Variants in CD38 observed in about 807,000 individuals in gnomAD.
CD38 encodes the protein CD38 molecule, also known as ADP-ribosyl cyclase/cyclic ADP-ribose hydrolase 1.
In CD38, 31 loss-of-function variants were observed where a neutral mutation model predicts 36.3. The ratio of observed to expected loss-of-function variants is 0.85; its 90% CI spans 0.64 to 1.15. The LOEUF (loss-of-function observed/expected upper bound fraction) is 1.15, where lower values mean the gene tolerates loss of function less well. CD38 is among the 50% of genes most tolerant of loss of function. The probability of loss-of-function intolerance (pLI) is 0.00; values close to 1 mark genes in which losing one functional copy is unlikely to be tolerated. For synonymous variants in CD38, 131 were observed against 135.2 expected, an observed-to-expected ratio of 0.97 and a Z score of 0.22; for missense variants, 380 against 371.9, an observed-to-expected ratio of 1.02 and a Z score of -0.18.
intron 6 of CD38, 119 bp downstream of exon 6, chr4:15,840,237 C>T: frequency 1.3e-6 from 1 of 788,454 alleles, no homozygotes; most frequent in Non-Finnish European, 2.2e-6. Flanking sequence ...CATGAATGTG[C>T]ATGAATCCCA....
rs1724323933 is a variant in CD38 at position 15,848,841 on chromosome 4, G to A, written c.*239G>A. 2.8e-6 allele frequency: 1 copy of A among 357,180 alleles called. No homozygotes were observed. Among genetic ancestry groups the A allele is most frequent in the Non-Finnish European group, 5.0e-6 (1 of 198,084 alleles). 22.1% of individuals were successfully genotyped at this position (357,180 alleles called of 1,614,324 possible). On this transcript the variant is annotated 3_prime_UTR_variant, in exon 8 of 8. Transcript: ENST00000226279. ...ATTGTATAAGATTAGAATGAAAATTGTATGTTAAGTTACTTCACTTTAATT... is the reference window on the plus strand; with the variant it reads ...ATTGTATAAGATTAGAATGAAAATTATATGTTAAGTTACTTCACTTTAATT...
chr4:15,837,346 T>C (rs1009188936), intron 4 of CD38, among the ~76,000 whole-genome samples: 1 of 152,180 alleles, frequency 6.6e-6, no homozygotes, highest in Admixed American at 6.5e-5. Flanking sequence ...GGCCATGTTT[T>C]TTTTTAATTT....
At chr4:15,848,305 C>T (rs550422122) in intron 7 of CD38, among the ~76,000 whole-genome samples, 4 of 152,252 alleles carry the variant, frequency 2.6e-5, no homozygotes, top group Admixed American at 1.3e-4. Context: ...AGCAAATTAG[C>T]CACAGAAGCT....
chr4:15,838,283 CA>C, intron 5 of CD38, 118 bp downstream of exon 5: 6 of 784,948 alleles, frequency 7.6e-6, no homozygotes, highest in East Asian at 2.7e-5. Context: ...AGATTAGGGC[CA>C]AAAAAGGTAA....
intron 1 of CD38, among the ~76,000 whole-genome samples, chr4:15,780,413 A>G (rs574389941): frequency 6.6e-6 from 1 of 151,944 alleles, no homozygotes; most frequent in South Asian, 2.1e-4. Flanking sequence ...TGCCATTTAT[A>G]TTTTTTTCTG....
intron 7 of CD38, among the ~76,000 whole-genome samples, chr4:15,841,484 T>C (rs897756545): frequency 2.0e-5 from 3 of 152,236 alleles, no homozygotes; most frequent in African/African-American, 4.8e-5. Flanking sequence ...ATGAGCATTC[T>C]ACAGCAGTTA....
At chr4:15,821,140 A>G (rs866526675) in intron 2 of CD38, among the ~76,000 whole-genome samples, 3 of 152,348 alleles carry the variant, frequency 2.0e-5, no homozygotes, top group Non-Finnish European at 2.9e-5. Flanking sequence ...TTTGAAACTA[A>G]TAGGAAAAAA....
At chr4:15,833,354 T>C (rs539541988) in intron 3 of CD38, among the ~76,000 whole-genome samples, 17 of 152,336 alleles carry the variant, frequency 1.1e-4, no homozygotes, top group African/African-American at 3.8e-4. Context: ...CCAGATGTCG[T>C]TGTGAAGATA....
chr4:15,796,200 G>C (rs546146951), intron 1 of CD38, among the ~76,000 whole-genome samples: 1 of 152,124 alleles, frequency 6.6e-6, no homozygotes, highest in Non-Finnish European at 1.5e-5. Context: ...GTAAGATTTA[G>C]TTAGTTGTTC....
chr4:15,804,717 G>C (rs78037656), intron 1 of CD38, among the ~76,000 whole-genome samples: 6 of 152,112 alleles, frequency 3.9e-5, no homozygotes, highest in Non-Finnish European at 7.4e-5. Context: ...AGCTAAAAAA[G>C]TTGATCTCAG....
At position 15,848,591 on chromosome 4, in the gene CD38, T is replaced by G; in HGVS notation, c.892T>G (p.Ser298Ala). 1 of 1,613,572 alleles carries G rather than the reference T, an allele frequency of 6.2e-7. No individual in the cohort carries two copies. Among genetic ancestry groups the G allele is most frequent in the African/African-American group, 1.3e-5 (1 of 75,032 alleles). Reference sequence around the variant, plus strand: ...AAATCCTGAGGATTCATCTTGCACATCTGAGATCTGAGCCAGTCGCTGTGG... The same window carrying G: ...AAATCCTGAGGATTCATCTTGCACAGCTGAGATCTGAGCCAGTCGCTGTGG... ...VKNPEDSSCTSEI is the reference protein window; with the variant it reads ...VKNPEDSSCTAEI Residue 298 changes from serine to alanine, a missense_variant, in exon 8 of 8, where the codon TCT (serine) becomes GCT (alanine). Transcript: ENST00000226279.
chr4:15,816,100 C>T (rs1461439712), intron 1 of CD38, among the ~76,000 whole-genome samples: 2 of 152,124 alleles, frequency 1.3e-5, no homozygotes, highest in Non-Finnish European at 2.9e-5. Context: ...AGCCTTGCAT[C>T]CCAGAGATGA....
intron 1 of CD38, among the ~76,000 whole-genome samples, chr4:15,787,972 C>A (rs541385674): frequency 2.0e-4 from 31 of 152,346 alleles, no homozygotes; most frequent in Non-Finnish European, 3.8e-4. Flanking sequence ...CCCCTACATT[C>A]CCTTGTACCC....
At position 15,840,058 on chromosome 4, in the gene CD38, A is replaced by G. The variant is rs964749110; in HGVS notation, c.692A>G (p.Gln231Arg). 1 of 1,613,868 alleles carries G rather than the reference A, an allele frequency of 6.2e-7. No homozygotes were observed. The highest frequency in any genetic ancestry group is 1.7e-5 in the Admixed American group (1 of 60,022). The change falls in exon 6 of 8, where the codon CAA becomes CGA. Residue 231 changes from glutamine (Q) to arginine (R), a missense_variant. Transcript: ENST00000226279. ...GGGAGTGTGGAAGTCCATAATTTGCAACCAGAGAAGGTTCAGACACTAGAG... is the reference window on the plus strand; with the variant it reads ...GGGAGTGTGGAAGTCCATAATTTGCGACCAGAGAAGGTTCAGACACTAGAG... ...TFGSVEVHNLQPEKVQTLEAW... is the reference protein window; with the variant it reads ...TFGSVEVHNLRPEKVQTLEAW...
chr4:15,788,277 G>C (rs1722885118), intron 1 of CD38, among the ~76,000 whole-genome samples: 1 of 152,170 alleles, frequency 6.6e-6, no homozygotes, highest in Non-Finnish European at 1.5e-5. Flanking sequence ...TCCACCCAGT[G>C]CACCATGGAG....
At chr4:15,809,127 G>A (rs116296272) in intron 1 of CD38, among the ~76,000 whole-genome samples, 100 of 152,350 alleles carry the variant, frequency 6.6e-4, no homozygotes, top group African/African-American at 2.2e-3. Context: ...AGATGGCTGC[G>A]TGAAGAAAGC....
intron 1 of CD38, among the ~76,000 whole-genome samples, chr4:15,809,448 C>A (rs1440381387): frequency 6.6e-6 from 1 of 152,178 alleles, no homozygotes; most frequent in East Asian, 1.9e-4. Flanking sequence ...CTTCTCATCA[C>A]CCCTGGTTGA....
At chr4:15,780,776 TTCTC>T (rs1054630491) in intron 1 of CD38, among the ~76,000 whole-genome samples, 22 of 152,242 alleles carry the variant, frequency 1.4e-4, no homozygotes, top group African/African-American at 4.8e-4. Flanking sequence ...AAGAATTATT[TTCTC>T]TCTTTCTTTC....
intron 1 of CD38, among the ~76,000 whole-genome samples, chr4:15,790,118 T>C (rs1397608090): frequency 2.4e-5 from 1 of 41,278 alleles, no homozygotes; most frequent in Non-Finnish European, 4.6e-5. Context: ...TCCCTCTCCC[T>C]CTCCCTCTCC....
Sources: gnomAD v4.1 joint callset for allele counts (sites outside exome capture counted in the v4.1 genomes callset) on GRCh38, gnomAD v4.1.1 for gene constraint, MANE v1.5 for transcripts, NCBI Gene and HGNC (gene_info 2026-07-23, HGNC 2026-07-21) for gene names.